THRAP3: variants seen among roughly 807,000 people sequenced by gnomAD.
The protein encoded by THRAP3 is thyroid hormone receptor associated protein 3, also known as thyroid hormone receptor-associated protein 3.
A neutral mutation model predicts 101.0 loss-of-function variants in THRAP3; 16 were observed. That is an observed-to-expected ratio of 0.16 (90% CI 0.11 to 0.24). The LOEUF is 0.24. Ranked by LOEUF, THRAP3 falls within the 10% of genes least tolerant of loss-of-function variation. The probability of loss-of-function intolerance (pLI) is 1.00; values close to 1 mark genes in which losing one functional copy is unlikely to be tolerated. For synonymous variants in THRAP3, 407 were observed against 422.6 expected (o/e 0.96, Z 0.45); for missense variants, 989 against 1,202.7 (o/e 0.82, Z 2.63).
At chr1:36,241,417 A>G (rs796503910) in intron 1 of THRAP3, among the ~76,000 whole-genome samples, 4,581 of 141,408 alleles carry the variant, frequency 0.032, 253 homozygotes, top group East Asian at 0.14. Context: ...ATATATATAT[A>G]TATATATATA....
chr1:36,244,750 G>T (rs1202355967), intron 1 of THRAP3, among the ~76,000 whole-genome samples: 1 of 148,980 alleles, frequency 6.7e-6, no homozygotes, highest in Non-Finnish European at 1.5e-5. Context: ...ACAGAGTCTC[G>T]CTCTGTTGCC....
At chr1:36,210,466 A>G in the THRAP3 span, among the ~76,000 whole-genome samples, 6 of 149,388 alleles carry the variant, frequency 4.0e-5, no homozygotes, top group Non-Finnish European at 7.4e-5. Flanking sequence ...AGGTGGGCAG[A>G]TTGCCTGAGG....
Position 36,256,649 on chromosome 1 carries a change from T to C in THRAP3, c.-134-2733T>C, listed in dbSNP as rs1645379709. On this transcript the variant is annotated intron_variant, in intron 1 of 11. Transcript: ENST00000354618. ...GTGGTATTTTGAAACATAATTATGCTCCTATTTTATGCTCTAAACACTCCA... is the reference window on the plus strand; with the variant it reads ...GTGGTATTTTGAAACATAATTATGCCCCTATTTTATGCTCTAAACACTCCA... Among the ~76,000 whole-genome samples the C allele has an allele frequency of 2.6e-5, 4 of 152,298 alleles. No homozygotes were observed. The South Asian group carries it at 8.3e-4, about 32-fold the overall frequency.
intron 1 of THRAP3, among the ~76,000 whole-genome samples, chr1:36,246,488 G>T (rs1216395421): frequency 6.6e-6 from 1 of 152,106 alleles, no homozygotes; most frequent in African/African-American, 2.4e-5. Flanking sequence ...CCGCCTTGGC[G>T]TCCCAAGGTG....
intron 11 of THRAP3, 80 bp downstream of exon 11, chr1:36,301,776 G>A (rs969323922): frequency 2.0e-6 from 3 of 1,511,200 alleles, no homozygotes; most frequent in Non-Finnish European, 2.7e-6. Context: ...TAATTAGTTT[G>A]TCCAAAACTG....
the THRAP3 span, among the ~76,000 whole-genome samples, chr1:36,216,902 C>T: frequency 6.6e-6 from 1 of 152,210 alleles, no homozygotes; most frequent in African/African-American, 2.4e-5. Context: ...GCTATCATAG[C>T]ATATACCATA....
chr1:36,218,816 C>T, the THRAP3 span, among the ~76,000 whole-genome samples: 25 of 151,686 alleles, frequency 1.6e-4, no homozygotes, highest in South Asian at 4.2e-4. Context: ...AGGTGGATCA[C>T]GAGGTCAGGA....
the THRAP3 span, among the ~76,000 whole-genome samples, chr1:36,217,683 C>G: frequency 4.7e-4 from 71 of 152,230 alleles, no homozygotes; most frequent in African/African-American, 1.5e-3. Context: ...ATTATTATAT[C>G]TGTTATGGTG....
rs1222944821 is a variant in THRAP3 at position 36,237,468 on chromosome 1, CAAA to C, written c.-135+12981_-135+12983del. Among the ~76,000 whole-genome samples, 9 of 50,962 alleles carry C rather than the reference CAAA, an allele frequency of 1.8e-4. No homozygotes were observed. The South Asian group carries it at 5.1e-3, about 29-fold the overall frequency. The allele number at this position is 50,962 out of a possible 152,430, so 33.4% of individuals were successfully genotyped here. A position where few individuals can be genotyped will look rare whatever the true frequency, so the allele number is the denominator to read the frequency against. ...GGGTGGCAGGAGTGAAACTTCATCTCAAAAAAAAAAAAAAAAAAAAGGCTGGGC... is the reference window on the plus strand; with the variant it reads ...GGGTGGCAGGAGTGAAACTTCATCTCAAAAAAAAAAAAAAAAAGGCTGGGC... On this transcript the variant is annotated intron_variant, in intron 1 of 11. Coordinates refer to ENST00000354618, the MANE Select transcript of THRAP3 (RefSeq NM_005119.4).
intron 8 of THRAP3, among the ~76,000 whole-genome samples, chr1:36,295,229 A>C (rs1365557382): frequency 1.3e-5 from 2 of 152,000 alleles, no homozygotes; most frequent in Non-Finnish European, 2.9e-5. Context: ...GTCTCAAAAA[A>C]AAAAAAGGAA....
chr1:36,289,517 A>G lies in THRAP3; in HGVS notation c.1498A>G (p.Lys500Glu), dbSNP rs1189244407. ...LEEESFPERS[K>E]KEDRGKRSEG... ...GGAGGAGTCTTTCCCAGAGAGATCC[A>G]AAAAGGAAGATCGGGGCAAGAGAAG... Residue 500 changes from lysine (K) to glutamate (E), a missense_variant, in exon 5 of 12, where the codon AAA (lysine) becomes GAA (glutamate). Coordinates refer to ENST00000354618, the MANE Select transcript of THRAP3 (RefSeq NM_005119.4). 14 of 1,614,128 alleles carry G rather than the reference A, an allele frequency of 8.7e-6. No homozygotes were observed. Among genetic ancestry groups the G allele is most frequent in the Non-Finnish European group, 1.2e-5 (14 of 1,180,028 alleles).
At chr1:36,268,015 A>T (rs1176140126) in intron 2 of THRAP3, among the ~76,000 whole-genome samples, 1 of 149,688 alleles carries the variant, frequency 6.7e-6, no homozygotes, top group Non-Finnish European at 1.5e-5. Context: ...CCCCATCTCT[A>T]CTGACAATAC....
At chr1:36,282,267 C>A (rs1192327196) in intron 2 of THRAP3, among the ~76,000 whole-genome samples, 1 of 150,198 alleles carries the variant, frequency 6.7e-6, no homozygotes, top group South Asian at 2.1e-4. Flanking sequence ...GGGTATTGCT[C>A]TTTCCTCCAG....
At chr1:36,301,426 G>A (rs1224735048) in intron 10 of THRAP3, 127 bp from the exon 11 acceptor site, 11 of 1,231,644 alleles carry the variant, frequency 8.9e-6, no homozygotes, top group Non-Finnish European at 1.2e-5. Context: ...GAAACCAGCT[G>A]ACCAGCATAT....
intron 1 of THRAP3, among the ~76,000 whole-genome samples, chr1:36,235,967 G>C (rs1645082680): frequency 6.6e-6 from 1 of 152,028 alleles, no homozygotes; most frequent in Non-Finnish European, 1.5e-5. Context: ...CTTTATGTCG[G>C]ACTGGGCGTG....
chr1:36,263,717 A>G (rs756197715), intron 2 of THRAP3, among the ~76,000 whole-genome samples: 7 of 152,154 alleles, frequency 4.6e-5, no homozygotes, highest in South Asian at 2.1e-4. Context: ...TGTTTCCCCA[A>G]TGATTAATTG....
intron 2 of THRAP3, among the ~76,000 whole-genome samples, chr1:36,280,165 G>A (rs1645713085): frequency 6.6e-6 from 1 of 152,182 alleles, no homozygotes; most frequent in South Asian, 2.1e-4. Context: ...GATTTTGGCA[G>A]TATGACCTTG....
chr1:36,213,266 C>G, the THRAP3 span, among the ~76,000 whole-genome samples: 1 of 151,158 alleles, frequency 6.6e-6, no homozygotes, highest in Non-Finnish European at 1.5e-5. Flanking sequence ...AGGAACAACC[C>G]TCTGACTACC....
chr1:36,252,403 C>T (rs934348606), intron 1 of THRAP3, among the ~76,000 whole-genome samples: 1 of 152,184 alleles, frequency 6.6e-6, no homozygotes, highest in African/African-American at 2.4e-5. Flanking sequence ...TGTTTACAGG[C>T]ATGAGCCACC....
Sources: allele counts gnomAD v4.1 joint callset (sites outside exome capture counted in the v4.1 genomes callset), GRCh38; gene constraint gnomAD v4.1.1; transcripts MANE v1.5; gene names NCBI Gene and HGNC (gene_info 2026-07-23, HGNC 2026-07-21).